CNTLN: variants seen among roughly 807,000 people sequenced by gnomAD.
CNTLN encodes centlein.
Under a neutral mutation model 180.0 loss-of-function variants are expected in CNTLN, and 212 were observed. That is an observed-to-expected ratio of 1.18 (90% confidence interval 1.05 to 1.32). The LOEUF is 1.32. CNTLN is among the 40% of genes most tolerant of loss of function. The pLI is 0.00. For synonymous variants in CNTLN, 722 were observed against 563.1 expected (o/e 1.28, Z -3.99); for missense variants, 2,095 against 1,610.9 (o/e 1.30, Z -5.14).
chr9:17,250,403 T>C (rs1826066551), intron 5 of CNTLN, among the ~76,000 whole-genome samples: 1 of 152,050 alleles, frequency 6.6e-6, no homozygotes, highest in Non-Finnish European at 1.5e-5. Flanking sequence ...TCTGCCATTT[T>C]TTCTTTTTAC....
intron 6 of CNTLN, among the ~76,000 whole-genome samples, chr9:17,274,790 AG>A (rs1828205282): frequency 6.6e-6 from 1 of 152,032 alleles, no homozygotes; most frequent in Admixed American, 6.6e-5. Context: ...GGCATTGGTA[AG>A]GGGGTCAAGT....
intron 8 of CNTLN, among the ~76,000 whole-genome samples, chr9:17,314,859 T>C (rs1370036924): frequency 6.6e-6 from 1 of 152,220 alleles, no homozygotes; most frequent in African/African-American, 2.4e-5. Context: ...CTGTCATTAT[T>C]GTAAATGGAA....
chr9:17,301,051 G>T, intron 7 of CNTLN: 1 of 985,306 alleles, frequency 1.0e-6, no homozygotes, highest in Non-Finnish European at 1.2e-6. Context: ...ATAACTGGGG[G>T]CCTGTTCCAA....
chr9:17,332,184 T>C (rs978430484), intron 9 of CNTLN, among the ~76,000 whole-genome samples: 9 of 152,066 alleles, frequency 5.9e-5, no homozygotes, highest in African/African-American at 2.2e-4. Context: ...TTCCTTCAAC[T>C]TCACAGTGTG....
intron 23 of CNTLN, among the ~76,000 whole-genome samples, chr9:17,482,636 A>G (rs1227211291): frequency 1.3e-5 from 2 of 152,200 alleles, no homozygotes; most frequent in African/African-American, 4.8e-5. Flanking sequence ...ACAAGCAAGA[A>G]CAGCAAGAAA....
chr9:17,367,922 G>T (rs1262631830), intron 13 of CNTLN, among the ~76,000 whole-genome samples: 1 of 152,056 alleles, frequency 6.6e-6, no homozygotes, highest in East Asian at 1.9e-4. Context: ...GGCATCCCCA[G>T]CTGTGGTGGC....
Position 17,298,222 on chromosome 9 carries a change from A to G in CNTLN, c.1016A>G (p.Lys339Arg), listed in dbSNP as rs1309873850. Reference sequence around the variant, plus strand: ...CTGCAGGAGCTGCAGAATCTTTACAAACAGAACAGTACACATACAGCCCAG... The same window carrying G: ...CTGCAGGAGCTGCAGAATCTTTACAGACAGAACAGTACACATACAGCCCAG... Reference protein sequence around the residue: ...KELQELQNLYKQNSTHTAQQA... With the variant: ...KELQELQNLYRQNSTHTAQQA... The change falls in exon 7 of 26, where the codon AAA (lysine) becomes AGA (arginine). Residue 339 changes from lysine to arginine, a missense_variant. Coordinates refer to ENST00000380647, the MANE Select transcript of CNTLN (RefSeq NM_017738.4). 1.3e-6 allele frequency: 2 copies of G among 1,563,000 alleles called. No homozygotes were observed. The highest frequency in any genetic ancestry group is 2.8e-5 in the African/African-American group (2 of 72,638).
chr9:17,155,637 A>T (rs911673900), intron 2 of CNTLN, among the ~76,000 whole-genome samples: 19 of 152,046 alleles, frequency 1.2e-4, no homozygotes, highest in African/African-American at 4.3e-4. Context: ...TCCCAGGTGG[A>T]TCTCAGATTG....
In CNTLN at chr9:17,214,038, C is replaced by A. The variant is rs188530385; in HGVS notation, c.450-12165C>A. ...GCCAGTCTGTGTCTTTTAATTGGAGCATTTAGCCCATTTACATTTAAGATT... is the reference window on the plus strand; with the variant it reads ...GCCAGTCTGTGTCTTTTAATTGGAGAATTTAGCCCATTTACATTTAAGATT... On this transcript the variant is annotated intron_variant, in intron 2 of 25. Transcript: ENST00000380647. 2.0e-4 allele frequency among the ~76,000 whole-genome samples: 31 copies of A among 152,244 alleles called. 1 individual carries two copies. Among genetic ancestry groups the A allele is most frequent in the Admixed American group, 1.2e-3 (18 of 15,290 alleles).
chr9:17,418,297 T>C lies in CNTLN; in HGVS notation c.3114+2108T>C, dbSNP rs868016201. Among the ~76,000 whole-genome samples the C allele has an allele frequency of 1.4e-4, 22 of 152,146 alleles. No homozygotes were observed. The Middle Eastern group carries it at 0.024, about 165-fold the overall frequency. On this transcript the variant is annotated intron_variant, in intron 18 of 25. Transcript: ENST00000380647. ...AGAATTAGATTTAATTTGAATATTC[T>C]GTACATATGGAGAAATAACTGATGT...
chr9:17,273,100 T>C (rs958990688), intron 5 of CNTLN, among the ~76,000 whole-genome samples: 1 of 152,098 alleles, frequency 6.6e-6, no homozygotes, highest in Non-Finnish European at 1.5e-5. Context: ...TAGATATATA[T>C]TTAGTTCTTT....
chr9:17,498,088 A>G (rs1053278488), intron 25 of CNTLN, among the ~76,000 whole-genome samples: 19 of 152,164 alleles, frequency 1.2e-4, no homozygotes, highest in Non-Finnish European at 2.2e-4. Flanking sequence ...CTTTTTGGTC[A>G]TAGTCTTCAA....
At position 17,487,221 on chromosome 9, in the gene CNTLN, T is replaced by A; in HGVS notation, c.4119+155T>A. The A allele has an allele frequency of 4.6e-6, 3 of 646,262 alleles. No homozygotes were observed. The South Asian group carries it at 5.4e-5, about 12-fold the overall frequency. 40.0% of individuals were successfully genotyped at this position (646,262 alleles called of 1,614,324 possible). On this transcript the variant is annotated intron_variant, in intron 25 of 25. Transcript: ENST00000380647. ...AATAGGTAGAAAGGAAAGTTAACCC[T>A]CTATTTGTACTTTGGGACTTAACAA...
chr9:17,214,186 C>T (rs1313062196), intron 2 of CNTLN, among the ~76,000 whole-genome samples: 1 of 152,134 alleles, frequency 6.6e-6, no homozygotes, highest in African/African-American at 2.4e-5. Context: ...TTTGCAGTGA[C>T]TGGTACCGGT....
intron 10 of CNTLN, 127 bp from the exon 11 acceptor site, chr9:17,340,700 C>G: frequency 1.5e-6 from 1 of 666,496 alleles, no homozygotes; most frequent in Non-Finnish European, 2.2e-6. Context: ...ATACATATTA[C>G]AGATTCATTT....
intron 13 of CNTLN, among the ~76,000 whole-genome samples, chr9:17,383,733 G>T (rs1418235123): frequency 6.6e-6 from 1 of 151,818 alleles, no homozygotes; most frequent in Admixed American, 6.6e-5. Context: ...TGCCTCCTGG[G>T]TTCACGCCAT....
intron 2 of CNTLN, among the ~76,000 whole-genome samples, chr9:17,216,666 T>C (rs2132017450): frequency 6.6e-6 from 1 of 152,334 alleles, no homozygotes; most frequent in East Asian, 1.9e-4. Flanking sequence ...GCATGTTTGA[T>C]AGGGAGACTA....
At chr9:17,492,195 A>C (rs978846787) in intron 25 of CNTLN, among the ~76,000 whole-genome samples, 1 of 152,084 alleles carries the variant, frequency 6.6e-6, no homozygotes, top group Admixed American at 6.6e-5. Flanking sequence ...GATTACAGTT[A>C]AAAGGATCCT....
At chr9:17,373,739 C>G (rs1018396236) in intron 13 of CNTLN, among the ~76,000 whole-genome samples, 17 of 152,166 alleles carry the variant, frequency 1.1e-4, no homozygotes, top group African/African-American at 3.9e-4. Flanking sequence ...TACTATAAAG[C>G]TACAGTAACT....
Sources: allele counts gnomAD v4.1 joint callset (sites outside exome capture counted in the v4.1 genomes callset), GRCh38; gene constraint gnomAD v4.1.1; transcripts MANE v1.5; gene names NCBI Gene and HGNC (gene_info 2026-07-23, HGNC 2026-07-21).